The following EPN2 variants were observed in gnomAD, a reference collection of about 807,000 sequenced individuals.
EPN2 encodes epsin 2, also known as epsin-2.
EPN2 carries 34 observed loss-of-function variants against 61.7 expected under a neutral mutation model. That is an observed-to-expected ratio of 0.55 (90% CI 0.42 to 0.73). The LOEUF is 0.73. EPN2 is among the 30% of genes least tolerant of loss of function. The pLI is 0.00. For synonymous variants in EPN2, 349 were observed against 353.6 expected, an observed-to-expected ratio of 0.99 and a Z score of 0.15; for missense variants, 714 against 839.2, an observed-to-expected ratio of 0.85 and a Z score of 1.84.
chr17:19,274,678 A>G (rs1288733641), intron 1 of EPN2, among the ~76,000 whole-genome samples: 1 of 152,168 alleles, frequency 6.6e-6, no homozygotes, highest in Non-Finnish European at 1.5e-5. Flanking sequence ...GCACAGAGGC[A>G]CGGGGTGTAG....
chr17:19,282,159 A>C (rs1488607139), intron 2 of EPN2, 82 bp downstream of exon 2: 1 of 152,160 alleles, frequency 6.6e-6, no homozygotes, highest in Non-Finnish European at 1.5e-5. Flanking sequence ...CAGGGGTCTC[A>C]GTTTTCTTTG....
rs560958781 is a variant in EPN2 at position 19,321,228 on chromosome 17, A to G, written c.1148-7483A>G. ...TGTGATGCTGCCCTCAGCTTGACCC[A>G]GTGGCTAGGAGGTGACCACCAACAC... On this transcript the variant is annotated intron_variant, in intron 7 of 10. Coordinates refer to ENST00000314728, the MANE Select transcript of EPN2 (RefSeq NM_014964.5). Among the ~76,000 whole-genome samples the G allele has an allele frequency of 2.6e-5, 4 of 152,196 alleles. No individual in the cohort carries two copies. The South Asian group carries it at 6.2e-4, about 24-fold the overall frequency.
At chr17:19,269,429 G>T (rs547104284) in intron 1 of EPN2, among the ~76,000 whole-genome samples, 2 of 152,332 alleles carry the variant, frequency 1.3e-5, no homozygotes, top group Non-Finnish European at 2.9e-5. Flanking sequence ...AACAGTGCAG[G>T]TTTCTCAGGG....
chr17:19,324,258 A>G (rs1598023118), intron 7 of EPN2, among the ~76,000 whole-genome samples: 1 of 152,274 alleles, frequency 6.6e-6, no homozygotes, highest in African/African-American at 2.4e-5. Flanking sequence ...ACCTTCATAC[A>G]CCTAAAATTT....
In EPN2 at chr17:19,268,745, C is replaced by T. The variant is rs111484687; in HGVS notation, c.-293-13210C>T. ...ACCCAGATATCCATGGACAGGAACA[C>T]GGGTAGGCACATGGTTAAATATTGG... On this transcript the variant is annotated intron_variant, in intron 1 of 10. Transcript: ENST00000314728. Among the ~76,000 whole-genome samples, 9 of 152,214 alleles carry T rather than the reference C, an allele frequency of 5.9e-5. 2 individuals carry two copies. The highest frequency in any genetic ancestry group is 2.2e-4 in the African/African-American group (9 of 41,526).
At chr17:19,310,261 T>TC (rs1202648952) in intron 5 of EPN2, among the ~76,000 whole-genome samples, 2 of 152,154 alleles carry the variant, frequency 1.3e-5, no homozygotes, top group East Asian at 3.9e-4. Flanking sequence ...TAAAAATGCT[T>TC]CCCAGAAACA....
intron 1 of EPN2, among the ~76,000 whole-genome samples, chr17:19,250,205 C>T (rs558131519): frequency 2.0e-5 from 3 of 152,162 alleles, no homozygotes; most frequent in South Asian, 2.1e-4. Flanking sequence ...AGGGATTCTC[C>T]TGCCTCAGCC....
chr17:19,315,024 T>G (rs2152233600), intron 7 of EPN2, among the ~76,000 whole-genome samples: 1 of 152,346 alleles, frequency 6.6e-6, no homozygotes, highest in Admixed American at 6.5e-5. Context: ...AGGAGCCAGG[T>G]GGGTTTAATA....
chr17:19,238,653 G>C (rs779233819), intron 1 of EPN2, among the ~76,000 whole-genome samples: 3 of 152,194 alleles, frequency 2.0e-5, no homozygotes, highest in Non-Finnish European at 4.4e-5. Context: ...TGTCAGTGCA[G>C]AACTAGAAGC....
chr17:19,316,998 A>G (rs1182376881), intron 7 of EPN2, among the ~76,000 whole-genome samples: 1 of 152,214 alleles, frequency 6.6e-6, no homozygotes, highest in African/African-American at 2.4e-5. Flanking sequence ...AGAGTGTGGT[A>G]TTGGATTTAT....
intron 5 of EPN2, 88 bp from the exon 6 acceptor site, chr17:19,311,964 C>G (rs748848122): frequency 9.4e-6 from 8 of 849,192 alleles, no homozygotes; most frequent in Middle Eastern, 2.2e-4. Context: ...CTGCATCATA[C>G]AATGTGCATT....
intron 1 of EPN2, among the ~76,000 whole-genome samples, chr17:19,245,222 T>C (rs183222090): frequency 5.5e-4 from 84 of 152,268 alleles, no homozygotes; most frequent in Non-Finnish European, 6.6e-4. Flanking sequence ...CCCAAGGAAG[T>C]CTGTGTGGGC....
intron 7 of EPN2, among the ~76,000 whole-genome samples, chr17:19,323,114 C>T (rs1906718229): frequency 6.6e-6 from 1 of 152,158 alleles, no homozygotes; most frequent in African/African-American, 2.4e-5. Context: ...ATGTCTGGTG[C>T]CAGGGCTGAA....
At chr17:19,313,882 G>A (rs565185692) in intron 7 of EPN2, 2 of 152,434 alleles carry the variant, frequency 1.3e-5, no homozygotes, top group East Asian at 1.9e-4. Context: ...TTGGGCCCAC[G>A]AGTTTCTTAA....
chr17:19,303,327 G>C (rs1345726003), intron 4 of EPN2, among the ~76,000 whole-genome samples: 1 of 152,212 alleles, frequency 6.6e-6, no homozygotes, highest in Non-Finnish European at 1.5e-5. Context: ...TTGTCTGAAA[G>C]TGTCTTGCTG....
intron 1 of EPN2, chr17:19,249,580 G>T (rs2044991137): frequency 6.6e-6 from 1 of 152,314 alleles, no homozygotes; most frequent in Admixed American, 6.5e-5. Context: ...CTGTGTGCTA[G>T]GCTCCGTGCT....
In EPN2 at chr17:19,313,197, C is replaced by A; in HGVS notation, c.1065C>A (p.Gly355=). Residue 355 remains glycine (G), a synonymous_variant, in exon 7 of 11, where the codon GGC becomes GGA. Transcript: ENST00000314728. ...GPAAQKAEPW[G]PSASTNQTNP... is the part of the protein sequence containing the mutation. ...CGGCCCAGAAAGCAGAGCCCTGGGGCCCGTCAGCCTCCACTAACCAGACCA... is the reference window on the plus strand; with the variant it reads ...CGGCCCAGAAAGCAGAGCCCTGGGGACCGTCAGCCTCCACTAACCAGACCA... The A allele has an allele frequency of 6.2e-7, 1 of 1,612,320 alleles. No individual in the cohort carries two copies. Among genetic ancestry groups the A allele is most frequent in the Non-Finnish European group, 8.5e-7 (1 of 1,179,310 alleles).
At chr17:19,318,291 T>C (rs1906479197) in intron 7 of EPN2, among the ~76,000 whole-genome samples, 1 of 150,804 alleles carries the variant, frequency 6.6e-6, no homozygotes, top group Non-Finnish European at 1.5e-5. Context: ...GGCTGACGCC[T>C]GTAATCCCAG....
At chr17:19,243,313 G>T (rs2044906090) in intron 1 of EPN2, among the ~76,000 whole-genome samples, 1 of 149,350 alleles carries the variant, frequency 6.7e-6, no homozygotes, top group South Asian at 2.1e-4. Flanking sequence ...CACCTCCCAG[G>T]TTAAAGCGAT....
Sources: gnomAD v4.1 joint callset for allele counts (sites outside exome capture counted in the v4.1 genomes callset) on GRCh38, gnomAD v4.1.1 for gene constraint, MANE v1.5 for transcripts, NCBI Gene and HGNC (gene_info 2026-07-23, HGNC 2026-07-21) for gene names.